Variants in CPQ observed in about 807,000 individuals in gnomAD.
CPQ encodes Ser-Met dipeptidase.
CPQ carries 37 observed loss-of-function variants against 45.7 expected under a neutral mutation model. The ratio of observed to expected loss-of-function variants is 0.81; its 90% CI spans 0.62 to 1.07. CPQ has a LOEUF of 1.07. Among genes scored for constraint, CPQ ranks in the 50% least tolerant of loss-of-function variants. The pLI is 0.00. For missense variants in CPQ, 537 were observed against 572.9 expected (o/e 0.94, Z 0.64); for synonymous variants, 186 against 205.8 (o/e 0.90, Z 0.82).
At chr8:96,700,064 T>A (rs1229614252) in intron 1 of CPQ, among the ~76,000 whole-genome samples, 1 of 152,162 alleles carries the variant, frequency 6.6e-6, no homozygotes, top group South Asian at 2.1e-4. Context: ...GGCTTCTCAC[T>A]CCTGGCTAGA....
At chr8:97,076,777 A>G (rs983516938) in intron 7 of CPQ, among the ~76,000 whole-genome samples, 2 of 152,236 alleles carry the variant, frequency 1.3e-5, no homozygotes, top group Admixed American at 6.5e-5. Flanking sequence ...ATGTCTAATT[A>G]TCTCCCTTTT....
chr8:97,103,860 G>C (rs1307656231), intron 7 of CPQ, among the ~76,000 whole-genome samples: 1 of 152,184 alleles, frequency 6.6e-6, no homozygotes, highest in Non-Finnish European at 1.5e-5. Context: ...TTCATCATTG[G>C]CTGAGGACTG....
At chr8:96,949,514 T>C (rs1487070623) in intron 4 of CPQ, among the ~76,000 whole-genome samples, 3 of 152,026 alleles carry the variant, frequency 2.0e-5, no homozygotes, top group African/African-American at 7.2e-5. Flanking sequence ...TTGCCAATGG[T>C]GATATTGGGG....
At chr8:96,663,286 C>G (rs1215572764) in intron 1 of CPQ, among the ~76,000 whole-genome samples, 2 of 151,284 alleles carry the variant, frequency 1.3e-5, no homozygotes, top group Non-Finnish European at 3.0e-5. Flanking sequence ...ACAAACTACA[C>G]TGTAAACAAC....
intron 7 of CPQ, among the ~76,000 whole-genome samples, chr8:97,123,150 AAT>A (rs1563587259): frequency 2.3e-5 from 1 of 43,362 alleles, no homozygotes; most frequent in East Asian, 9.2e-4. Context: ...AAATAAAATA[AAT>A]AAAATAAAAT....
At chr8:96,824,698 G>A (rs982144101) in intron 2 of CPQ, among the ~76,000 whole-genome samples, 9 of 151,930 alleles carry the variant, frequency 5.9e-5, no homozygotes, top group African/African-American at 1.7e-4. Flanking sequence ...TTACCATAGC[G>A]TATGTGCCTA....
chr8:97,019,957 A>C (rs1457527155), intron 5 of CPQ, among the ~76,000 whole-genome samples: 1 of 152,210 alleles, frequency 6.6e-6, no homozygotes, highest in Non-Finnish European at 1.5e-5. Context: ...ACTTTCTCCA[A>C]GATAGACCAT....
intron 5 of CPQ, among the ~76,000 whole-genome samples, chr8:96,972,533 G>A (rs1427149058): frequency 6.6e-6 from 1 of 152,138 alleles, no homozygotes; most frequent in Non-Finnish European, 1.5e-5. Flanking sequence ...GAACACAGCT[G>A]ATACACTCTT....
chr8:96,978,689 C>T (rs533875056), intron 5 of CPQ, among the ~76,000 whole-genome samples: 8 of 152,162 alleles, frequency 5.3e-5, no homozygotes, highest in East Asian at 3.9e-4. Context: ...GTAAAGGAAG[C>T]GGAAGCTTAA....
At chr8:96,843,223 G>T (rs894831066) in intron 3 of CPQ, among the ~76,000 whole-genome samples, 1 of 152,108 alleles carries the variant, frequency 6.6e-6, no homozygotes, top group Non-Finnish European at 1.5e-5. Context: ...GGGTTTAAAA[G>T]CAGTAATGTT....
chr8:97,123,005 A>AAAAT (rs1811756872), intron 7 of CPQ, among the ~76,000 whole-genome samples: 1 of 40,746 alleles, frequency 2.5e-5, no homozygotes, highest in Non-Finnish European at 4.0e-5. Context: ...AATAAAATAT[A>AAAAT]AAATAAAATA....
intron 6 of CPQ, among the ~76,000 whole-genome samples, chr8:97,044,547 G>A (rs1810197819): frequency 6.6e-6 from 1 of 152,216 alleles, no homozygotes; most frequent in Non-Finnish European, 1.5e-5. Context: ...TCCTTTGGAG[G>A]ACGAGAGGTG....
At chr8:97,042,231 G>C (rs1176185957) in intron 6 of CPQ, among the ~76,000 whole-genome samples, 5 of 147,556 alleles carry the variant, frequency 3.4e-5, no homozygotes, top group African/African-American at 5.1e-5. Context: ...TATGTGTCGA[G>C]GAATTTATCC....
chr8:96,863,033 T>G (rs1165975965), intron 3 of CPQ, among the ~76,000 whole-genome samples: 1 of 152,076 alleles, frequency 6.6e-6, no homozygotes, highest in Non-Finnish European at 1.5e-5. Context: ...TCACTAGCCT[T>G]CTACATGAGA....
intron 5 of CPQ, among the ~76,000 whole-genome samples, chr8:97,009,262 G>C (rs1227018872): frequency 6.6e-6 from 1 of 152,200 alleles, no homozygotes; most frequent in Non-Finnish European, 1.5e-5. Flanking sequence ...ATGCCTCAGA[G>C]AGCCAGGCCA....
chr8:96,656,816 C>T (rs564863967), intron 1 of CPQ, among the ~76,000 whole-genome samples: 4 of 152,244 alleles, frequency 2.6e-5, no homozygotes, highest in African/African-American at 9.6e-5. Flanking sequence ...GATTGTGCAC[C>T]ACCACTGGGA....
intron 4 of CPQ, among the ~76,000 whole-genome samples, chr8:96,915,056 T>A (rs1233964381): frequency 6.6e-6 from 1 of 152,154 alleles, no homozygotes; most frequent in Non-Finnish European, 1.5e-5. Context: ...GGTTATCCGT[T>A]TTACCTGCCT....
chr8:96,707,560 C>T (rs907161195), intron 1 of CPQ, among the ~76,000 whole-genome samples: 27 of 151,814 alleles, frequency 1.8e-4, no homozygotes, highest in Admixed American at 1.5e-3. Flanking sequence ...CCAGGGAAGC[C>T]GAAAGTTGAG....
chr8:97,115,490 G>A (rs1811569455), intron 7 of CPQ, among the ~76,000 whole-genome samples: 1 of 152,190 alleles, frequency 6.6e-6, no homozygotes, highest in South Asian at 2.1e-4. Flanking sequence ...TTACCGGGTA[G>A]GAATATCCTC....
Sources: allele counts gnomAD v4.1 joint callset (sites outside exome capture counted in the v4.1 genomes callset), GRCh38; gene constraint gnomAD v4.1.1; transcripts MANE v1.5; gene names NCBI Gene and HGNC (gene_info 2026-07-23, HGNC 2026-07-21).